The following DCDC2C variants were observed in gnomAD, a reference collection of about 807,000 sequenced individuals.
DCDC2C encodes doublecortin domain containing 2C, also known as doublecortin domain-containing protein 2C.
In DCDC2C, 44 loss-of-function variants were observed where a neutral mutation model predicts 45.0. That is an observed-to-expected ratio of 0.98 (90% confidence interval 0.77 to 1.26). DCDC2C has a LOEUF of 1.26. Among genes scored for constraint, DCDC2C ranks in the 50% most tolerant of loss-of-function variants. DCDC2C has a pLI of 0.00. For missense variants in DCDC2C, 447 were observed against 468.9 expected (o/e 0.95, Z 0.43); for synonymous variants, 187 against 178.8 (o/e 1.05, Z -0.37).
chr2:3,796,298 A>G lies in DCDC2C; in HGVS notation c.1065+11198A>G, dbSNP rs1167647885. On this transcript the variant is annotated intron_variant, in intron 10 of 10. Coordinates refer to ENST00000399143, the MANE Select transcript of DCDC2C (RefSeq NM_001287444.2). ...GACAATGGGGTTTTCTAGATATACA[A>G]TCATGTCGTCTGCAAACAGGGACAA... Among the ~76,000 whole-genome samples the G allele has an allele frequency of 3.8e-5, 4 of 106,210 alleles. 2 individuals are homozygous for G. Among genetic ancestry groups the G allele is most frequent in the African/African-American group, 1.7e-4 (4 of 24,226 alleles). 69.7% of individuals were successfully genotyped at this position (106,210 alleles called of 152,430 possible).
At chr2:3,720,439 G>A (rs1224907861) in intron 2 of DCDC2C, among the ~76,000 whole-genome samples, 2 of 152,218 alleles carry the variant, frequency 1.3e-5, no homozygotes, top group African/African-American at 4.8e-5. Context: ...GAGGTCAGAT[G>A]ACAGTAGCTC....
intron 10 of DCDC2C, among the ~76,000 whole-genome samples, chr2:3,821,406 A>G (rs954404498): frequency 2.0e-5 from 3 of 152,196 alleles, no homozygotes; most frequent in Non-Finnish European, 4.4e-5. Context: ...TGAACTGGCT[A>G]TGATCTCCTG....
chr2:3,739,538 G>C (rs1279888179), intron 3 of DCDC2C, among the ~76,000 whole-genome samples: 2 of 152,264 alleles, frequency 1.3e-5, no homozygotes, highest in African/African-American at 2.4e-5. Context: ...AACAGGCACC[G>C]GCACACCGGC....
In DCDC2C at chr2:3,764,598, G is replaced by C. The variant is rs117453459; in HGVS notation, c.727-3156G>C. Among the ~76,000 whole-genome samples, 288 of 152,324 alleles carry C rather than the reference G, an allele frequency of 1.9e-3. 7 individuals are homozygous for C. The East Asian group carries it at 0.051, about 27-fold the overall frequency. Reference sequence around the variant, plus strand: ...ATTGTGAGACTTCCCCAGCCATGTGGAACTGTGAGTCCATTGAACCTCTTT... The same window carrying C: ...ATTGTGAGACTTCCCCAGCCATGTGCAACTGTGAGTCCATTGAACCTCTTT... On this transcript the variant is annotated intron_variant, in intron 6 of 10. Transcript: ENST00000399143.
At chr2:3,741,269 G>A (rs1669197302) in intron 3 of DCDC2C, among the ~76,000 whole-genome samples, 2 of 152,182 alleles carry the variant, frequency 1.3e-5, no homozygotes, top group African/African-American at 4.8e-5. Context: ...GATGATCTCG[G>A]CTCCAGAGAA....
intron 10 of DCDC2C, among the ~76,000 whole-genome samples, chr2:3,807,359 GC>G (rs914921814): frequency 6.6e-6 from 1 of 152,172 alleles, no homozygotes; most frequent in Non-Finnish European, 1.5e-5. Flanking sequence ...CAGGCAGGGG[GC>G]TGGAGGTGTA....
intron 10 of DCDC2C, among the ~76,000 whole-genome samples, chr2:3,815,240 A>G (rs960669514): frequency 7.2e-5 from 11 of 152,330 alleles, no homozygotes; most frequent in African/African-American, 2.4e-4. Flanking sequence ...CCAGCTGGGT[A>G]GCACGCTCAC....
chr2:3,743,679 T>C (rs929732810), intron 4 of DCDC2C, among the ~76,000 whole-genome samples: 1 of 151,990 alleles, frequency 6.6e-6, no homozygotes, highest in Admixed American at 6.6e-5. Flanking sequence ...AAAAGGGAAA[T>C]AAAAAAATAT....
intron 4 of DCDC2C, among the ~76,000 whole-genome samples, chr2:3,749,842 CAAAT>C (rs1669486569): frequency 6.6e-6 from 1 of 152,170 alleles, no homozygotes; most frequent in South Asian, 2.1e-4. Context: ...TAGAAGCAAA[CAAAT>C]GAACACAAAA....
intron 10 of DCDC2C, among the ~76,000 whole-genome samples, chr2:3,796,150 G>C (rs201334072): frequency 3.2e-4 from 34 of 106,074 alleles, no homozygotes; most frequent in South Asian, 1.2e-3. Flanking sequence ...GGAGTTCACT[G>C]ATGATTTGGC....
intron 6 of DCDC2C, among the ~76,000 whole-genome samples, chr2:3,763,958 T>C (rs1378623071): frequency 6.6e-6 from 1 of 152,240 alleles, no homozygotes; most frequent in East Asian, 1.9e-4. Context: ...ATGCTACTGC[T>C]CAGATATAGA....
At chr2:3,842,637 T>TTAA (rs566905332) in intron 10 of DCDC2C, among the ~76,000 whole-genome samples, 1 of 139,256 alleles carries the variant, frequency 7.2e-6, no homozygotes, top group Non-Finnish European at 1.5e-5. Context: ...TAATTTGCAG[T>TTAA]AAAAAAAAAA....
chr2:3,800,644 G>C lies in DCDC2C; in HGVS notation c.1065+15544G>C, dbSNP rs550847782. Among the ~76,000 whole-genome samples the C allele has an allele frequency of 3.1e-3, 387 of 124,162 alleles. 37 individuals are homozygous for C. Among genetic ancestry groups the C allele is most frequent in the Admixed American group, 0.03 (352 of 11,614 alleles). 81.5% of individuals were successfully genotyped at this position (124,162 alleles called of 152,430 possible). ...TGAGATAATCGTGTGGCTTCAATGCGCACCAGAAGTGCTTCATGAGTTCTT... is the reference window on the plus strand; with the variant it reads ...TGAGATAATCGTGTGGCTTCAATGCCCACCAGAAGTGCTTCATGAGTTCTT... On this transcript the variant is annotated intron_variant, in intron 10 of 10. Transcript: ENST00000399143.
Position 3,703,655 on chromosome 2 carries a change from C to G in DCDC2C, c.-97C>G, listed in dbSNP as rs912685163. 11 of 1,145,858 alleles carry G rather than the reference C, an allele frequency of 9.6e-6. No individual in the cohort carries two copies. Among genetic ancestry groups the G allele is most frequent in the African/African-American group, 1.6e-5 (1 of 62,256 alleles). The allele number at this position is 1,145,858 out of a possible 1,614,324, so 71.0% of individuals were successfully genotyped here. The stretch of plus-strand genomic sequence containing the variant: ...GCGCCAGCGGCTGGAGCGGACCTCC[C>G]GTCGGCGGTGCCCGGGCCTGGGCGC... On this transcript the variant is annotated 5_prime_UTR_variant, in exon 1 of 11. Coordinates refer to ENST00000399143, the MANE Select transcript of DCDC2C (RefSeq NM_001287444.2). This position sits in a 1 kb window ranked among gnomAD's most constrained non-coding sequence, Gnocchi z 4.4.
chr2:3,735,990 T>A (rs536066130), intron 3 of DCDC2C, among the ~76,000 whole-genome samples: 1 of 152,300 alleles, frequency 6.6e-6, no homozygotes, highest in South Asian at 2.1e-4. Context: ...CATGGAAGGA[T>A]CTATTTCTAT....
chr2:3,752,079 T>G (rs1461220850), intron 4 of DCDC2C, among the ~76,000 whole-genome samples: 1 of 152,154 alleles, frequency 6.6e-6, no homozygotes, highest in Non-Finnish European at 1.5e-5. Context: ...TTCCTCCAGC[T>G]CTGTGAAGCC....
intron 10 of DCDC2C, among the ~76,000 whole-genome samples, chr2:3,834,181 C>T (rs933066685): frequency 3.4e-5 from 5 of 148,360 alleles, no homozygotes; most frequent in African/African-American, 1.2e-4. Context: ...GATGAACCAA[C>T]ACTGACCCCT....
At chr2:3,743,342 T>C (rs1024677128) in intron 4 of DCDC2C, among the ~76,000 whole-genome samples, 1 of 152,200 alleles carries the variant, frequency 6.6e-6, no homozygotes, top group Admixed American at 6.5e-5. Flanking sequence ...CAACAATGAA[T>C]ACATCATCCA....
chr2:3,789,904 A>G (rs1179962472), intron 10 of DCDC2C, among the ~76,000 whole-genome samples: 2 of 152,266 alleles, frequency 1.3e-5, no homozygotes, highest in Non-Finnish European at 2.9e-5. Flanking sequence ...GGGTAACTTC[A>G]TAACAGTGGT....
Sources: allele counts gnomAD v4.1 joint callset (sites outside exome capture counted in the v4.1 genomes callset), GRCh38; gene constraint gnomAD v4.1.1; non-coding constraint Gnocchi (gnomAD v3.1); transcripts MANE v1.5; gene names NCBI Gene and HGNC (gene_info 2026-07-23, HGNC 2026-07-21).